The following SVOP variants were observed in gnomAD, a reference collection of about 807,000 sequenced individuals.
SVOP encodes the protein synaptic vesicle 2-related protein.
A neutral mutation model predicts 69.1 loss-of-function variants in SVOP; 17 were observed. The observed-to-expected ratio is 0.25, with a 90% CI of 0.17 to 0.37. The LOEUF is 0.37. SVOP is among the 10% of genes least tolerant of loss of function. The pLI is 1.00. For synonymous variants in SVOP, 238 were observed against 238.6 expected (o/e 1.00, Z 0.02); for missense variants, 435 against 597.5 (o/e 0.73, Z 2.84).
intron 11 of SVOP, among the ~76,000 whole-genome samples, chr12:108,929,422 A>G (rs1297319292): frequency 6.6e-6 from 1 of 152,090 alleles, no homozygotes; most frequent in Non-Finnish European, 1.5e-5. Flanking sequence ...CCCCAGGCCC[A>G]GACAATCCTC....
chr12:109,007,542 G>A (rs889271227), intron 1 of SVOP, among the ~76,000 whole-genome samples: 8 of 152,154 alleles, frequency 5.3e-5, no homozygotes, highest in African/African-American at 1.9e-4. Context: ...CACAGAAGTC[G>A]AGAGATGAAA....
At chr12:108,939,059 G>A (rs964791993) in intron 8 of SVOP, 104 bp from the exon 9 acceptor site, 74 of 1,521,448 alleles carry the variant, frequency 4.9e-5, no homozygotes, top group Non-Finnish European at 5.8e-5. Flanking sequence ...AAGAGTGGGG[G>A]CTCTGGAGCC....
At chr12:108,958,143 T>C (rs983457053) in intron 6 of SVOP, among the ~76,000 whole-genome samples, 3 of 152,188 alleles carry the variant, frequency 2.0e-5, no homozygotes, top group Non-Finnish European at 4.4e-5. Flanking sequence ...GGCTAACTCA[T>C]AGGCAGTGCA....
chr12:109,013,229 C>G (rs1371738665), intron 1 of SVOP, among the ~76,000 whole-genome samples: 1 of 152,020 alleles, frequency 6.6e-6, no homozygotes, highest in African/African-American at 2.4e-5. Flanking sequence ...GGAAGACAAA[C>G]ACTAAACACA....
chr12:108,957,103 G>C (rs1041370918), intron 6 of SVOP, among the ~76,000 whole-genome samples: 1 of 152,148 alleles, frequency 6.6e-6, no homozygotes, highest in Non-Finnish European at 1.5e-5. Context: ...TGGGCTCGGT[G>C]GGTCTAGAGG....
At chr12:108,947,860 A>G (rs2137412401) in intron 6 of SVOP, among the ~76,000 whole-genome samples, 1 of 151,884 alleles carries the variant, frequency 6.6e-6, no homozygotes, top group Middle Eastern at 3.4e-3. Flanking sequence ...TTGGGGGATA[A>G]AGGGAAGTTA....
chr12:108,908,537 C>G lies in SVOP; in HGVS notation c.*3998G>C, dbSNP rs890988827. ...TCAGCTGGAAGGGAGTTGCAGCCCC[C>G]CCCTGCAGACAGGGCTGGTGTTTCT... On this transcript the variant is annotated 3_prime_UTR_variant, in exon 16 of 16. Coordinates refer to ENST00000610966, the MANE Select transcript of SVOP (RefSeq NM_018711.5). 4 of 152,210 alleles carry G rather than the reference C, an allele frequency of 2.6e-5. No individual in the cohort carries two copies. The highest frequency in any genetic ancestry group is 5.9e-5 in the Non-Finnish European group (4 of 68,048). 9.4% of individuals were successfully genotyped at this position (152,210 alleles called of 1,614,324 possible). A position where few individuals can be genotyped will look rare whatever the true frequency, so the allele number is the denominator to read the frequency against.
chr12:108,914,838 G>A (rs1198725664), intron 15 of SVOP, among the ~76,000 whole-genome samples: 4 of 151,150 alleles, frequency 2.6e-5, no homozygotes, highest in African/African-American at 4.9e-5. Context: ...GATTACAGGC[G>A]TGAGACACAG....
chr12:108,946,526 T>C (rs2039923938), intron 6 of SVOP, among the ~76,000 whole-genome samples: 1 of 152,024 alleles, frequency 6.6e-6, no homozygotes, highest in Non-Finnish European at 1.5e-5. Context: ...TATAGACTTG[T>C]GGAGTCCTAT....
intron 11 of SVOP, among the ~76,000 whole-genome samples, chr12:108,925,427 C>T (rs73410992): frequency 0.015 from 2,230 of 152,260 alleles, 49 homozygotes; most frequent in African/African-American, 0.05. Flanking sequence ...ACTAGTCTAC[C>T]TGCTTCTACG....
intron 15 of SVOP, among the ~76,000 whole-genome samples, chr12:108,913,274 T>C (rs971016036): frequency 6.6e-6 from 1 of 152,156 alleles, no homozygotes; most frequent in African/African-American, 2.4e-5. Context: ...TTGGTCAGGC[T>C]GGTCTCGAAC....
At chr12:108,965,998 C>CTTCCT (rs1427672761) in intron 5 of SVOP, among the ~76,000 whole-genome samples, 1 of 148,732 alleles carries the variant, frequency 6.7e-6, no homozygotes. Flanking sequence ...CCCTCCCTTC[C>CTTCCT]TTCCTTTCCT....
intron 7 of SVOP, among the ~76,000 whole-genome samples, chr12:108,942,277 A>C (rs986062845): frequency 1.3e-5 from 2 of 152,156 alleles, no homozygotes; most frequent in African/African-American, 4.8e-5. Flanking sequence ...TCCATGTCTT[A>C]GCTAGTGTGA....
intron 13 of SVOP, among the ~76,000 whole-genome samples, chr12:108,918,733 G>A (rs2039729612): frequency 6.6e-6 from 1 of 152,208 alleles, no homozygotes; most frequent in East Asian, 1.9e-4. Flanking sequence ...ATTACAAAAC[G>A]ATCTATTTGA....
intron 13 of SVOP, among the ~76,000 whole-genome samples, chr12:108,919,247 C>T (rs898074529): frequency 6.6e-6 from 1 of 150,814 alleles, no homozygotes; most frequent in Admixed American, 6.6e-5. Context: ...TGTACCTACA[C>T]TTGAGCTTAC....
At chr12:108,928,604 T>C (rs2039796483) in intron 11 of SVOP, among the ~76,000 whole-genome samples, 1 of 150,666 alleles carries the variant, frequency 6.6e-6, no homozygotes, top group Admixed American at 6.7e-5. Context: ...CCTCACTCTG[T>C]CACCCAGGCT....
chr12:108,941,408 T>G (rs1412662338), intron 7 of SVOP, among the ~76,000 whole-genome samples: 3 of 152,084 alleles, frequency 2.0e-5, no homozygotes, highest in African/African-American at 7.2e-5. Context: ...GTATTTTTAG[T>G]AGAGACAGGG....
chr12:108,943,821 GCTC>G (rs367781130), intron 7 of SVOP, among the ~76,000 whole-genome samples: 2,740 of 147,026 alleles, frequency 0.019, 73 homozygotes, highest in African/African-American at 0.067. Context: ...TCCTCCTCCT[GCTC>G]CTCCTCCTCC....
rs1234216395 is a variant in SVOP at position 109,002,221 on chromosome 12, T to A, written c.36-18460A>T. ...CACATGAAAAAATGCTCATCATCAC[T>A]GGCCATCAGAGAAATGCAAATCAAA... is the stretch of plus-strand genomic sequence containing the variant. On this transcript the variant is annotated intron_variant, in intron 1 of 15. Transcript: ENST00000610966. Among the ~76,000 whole-genome samples, 2 of 42,974 alleles carry A rather than the reference T, an allele frequency of 4.7e-5. 1 individual carries two copies. The highest frequency in any genetic ancestry group is 1.3e-4 in the African/African-American group (2 of 15,112). The allele number at this position is 42,974 out of a possible 152,430, so 28.2% of individuals were successfully genotyped here.
Sources: allele counts gnomAD v4.1 joint callset (sites outside exome capture counted in the v4.1 genomes callset), GRCh38; gene constraint gnomAD v4.1.1; transcripts MANE v1.5; gene names NCBI Gene and HGNC (gene_info 2026-07-23, HGNC 2026-07-21).